The following EIF4A2 variants were observed in gnomAD, a reference collection of about 807,000 sequenced individuals.
The protein encoded by EIF4A2 is eukaryotic initiation factor 4A-II.
EIF4A2 carries 9 observed loss-of-function variants against 50.6 expected under a neutral mutation model. The ratio of observed to expected loss-of-function variants is 0.18; its 90% CI spans 0.11 to 0.31. The LOEUF (loss-of-function observed/expected upper bound fraction) is 0.31, where lower values mean the gene tolerates loss of function less well. Among genes scored for constraint, EIF4A2 ranks in the 10% least tolerant of loss-of-function variants. The pLI, the probability that EIF4A2 is intolerant of heterozygous loss-of-function variation, is 1.00. For missense variants in EIF4A2, 182 were observed against 501.8 expected (o/e 0.36, Z 6.09); for synonymous variants, 215 against 164.4 (o/e 1.31, Z -2.35).
In EIF4A2 at chr3:186,787,895, C is replaced by G; in HGVS notation, c.1079+13C>G. The G allele has an allele frequency of 1.2e-6, 2 of 1,612,766 alleles. No homozygotes were observed. Among genetic ancestry groups the G allele is most frequent in the Non-Finnish European group, 1.7e-6 (2 of 1,179,588 alleles). Reference sequence around the variant, plus strand: ...ACTATATTCACAGGTGAGAAGCCAGCATCTTGGCTGTATTGAAAAAAATTC... The same window carrying G: ...ACTATATTCACAGGTGAGAAGCCAGGATCTTGGCTGTATTGAAAAAAATTC... On this transcript the variant is annotated intron_variant, in intron 10 of 10. Transcript: ENST00000323963.
intron 3 of EIF4A2, 104 bp downstream of exon 3, chr3:186,784,800 G>A: frequency 1.9e-6 from 3 of 1,601,642 alleles, no homozygotes; most frequent in African/African-American, 1.3e-5. Flanking sequence ...TCCTTAAAGT[G>A]AAATGATGGC....
chr3:186,788,750 T>A (rs2108462980), intron 10 of EIF4A2: 1 of 233,310 alleles, frequency 4.3e-6, no homozygotes. Context: ...TGCGTCGAAA[T>A]GGATTACATA....
At chr3:186,785,587 A>T in intron 4 of EIF4A2, 1 of 359,602 alleles carries the variant, frequency 2.8e-6, no homozygotes, top group East Asian at 4.4e-5. Context: ...TACAGAACAT[A>T]AATTTCACTA....
intron 4 of EIF4A2, chr3:186,785,623 T>G (rs1721653326): frequency 4.5e-6 from 2 of 441,560 alleles, no homozygotes; most frequent in South Asian, 4.1e-5. Context: ...CAGTGAAGAA[T>G]AATGTAGGAA....
In EIF4A2 at chr3:186,786,014, C is replaced by T. The variant is rs771090486; in HGVS notation, c.480C>T (p.Pro160=). 52 of 1,610,902 alleles carry T rather than the reference C, an allele frequency of 3.2e-5. No homozygotes were observed. The Admixed American group carries it at 5.8e-4, about 18-fold the overall frequency. Residue 160 remains proline, a synonymous_variant, in exon 5 of 11, where the codon CCC becomes CCT. Coordinates refer to ENST00000323963, the MANE Select transcript of EIF4A2 (RefSeq NM_001967.4). ...CACCACATATTGTTGTTGGTACACCCGGGAGAGTGTTTGATATGTTAAACA... is the reference window on the plus strand; with the variant it reads ...CACCACATATTGTTGTTGGTACACCTGGGAGAGTGTTTGATATGTTAAACA... ...AEAPHIVVGT[P]GRVFDMLNRR...
rs765521699 is a variant in EIF4A2, at chr3:186,784,951, AC to A, written c.209-10del. On this transcript the variant is annotated splice_polypyrimidine_tract_variant and intron_variant, in intron 3 of 10. Transcript: ENST00000323963. Reference sequence around the variant, plus strand: ...TGTGGGATCGGTAAATGTGTATCCTACTTTTTTTAGGGTATGATGTGATTGC... The same window carrying A: ...TGTGGGATCGGTAAATGTGTATCCTATTTTTTTAGGGTATGATGTGATTGC... 1.2e-5 allele frequency: 19 copies of A among 1,614,018 alleles called. No individual in the cohort carries two copies. Among genetic ancestry groups the A allele is most frequent in the Non-Finnish European group, 1.7e-6 (2 of 1,180,016 alleles).
Position 186,786,056 on chromosome 3 carries a change from G to A in EIF4A2, c.517+5G>A. The stretch of plus-strand genomic sequence containing the variant: ...TGTTAAACAGAAGATACCTTTGTAA[G>A]TATTGTCTTTAAGAGAGTATTTTTT... On this transcript the variant is annotated splice_donor_5th_base_variant and intron_variant, in intron 5 of 10. Transcript: ENST00000323963. The A allele has an allele frequency of 6.2e-7, 1 of 1,602,008 alleles. No individual in the cohort carries two copies. The highest frequency in any genetic ancestry group is 8.5e-7 in the Non-Finnish European group (1 of 1,169,606).
intron 10 of EIF4A2, 184 bp downstream of exon 10, chr3:186,788,066 T>C: frequency 2.7e-6 from 2 of 753,890 alleles, no homozygotes; most frequent in Non-Finnish European, 2.1e-6. Flanking sequence ...CTTGTAAACA[T>C]TGCCCAGATT....
chr3:186,785,159 C>T (rs1721614688), intron 4 of EIF4A2, 58 bp downstream of exon 4: 3 of 1,600,108 alleles, frequency 1.9e-6, no homozygotes, highest in Non-Finnish European at 2.6e-6. Flanking sequence ...TCAGGTTTCA[C>T]AACTGTGAAG....
rs1174473754 is a variant in EIF4A2, at chr3:186,784,978, T to C, written c.225T>C (p.Ala75=). The change falls in exon 4 of 11, where the codon GCT becomes GCC. Residue 75 remains alanine (A), a synonymous_variant. Coordinates refer to ENST00000323963, the MANE Select transcript of EIF4A2 (RefSeq NM_001967.4). Reference sequence around the variant, plus strand: ...TTTTTTTAGGGTATGATGTGATTGCTCAAGCTCAGTCAGGTACTGGCAAGA... The same window carrying C: ...TTTTTTTAGGGTATGATGTGATTGCCCAAGCTCAGTCAGGTACTGGCAAGA... ...IPCIKGYDVI[A]QAQSGTGKTA... The C allele has an allele frequency of 2.5e-6, 4 of 1,614,090 alleles. No individual in the cohort carries two copies. The highest frequency in any genetic ancestry group is 3.3e-5 in the Admixed American group (2 of 59,998).
chr3:186,786,816 T>A (rs370712224), intron 7 of EIF4A2, 171 bp downstream of exon 7: 1 of 961,958 alleles, frequency 1.0e-6, no homozygotes, highest in Non-Finnish European at 1.7e-6. Context: ...TTTCTTAATG[T>A]CCAATGTCCT....
In EIF4A2 at chr3:186,785,054, G is replaced by A; in HGVS notation, c.301G>A (p.Glu101Lys). 1 of 1,614,140 alleles carries A rather than the reference G, an allele frequency of 6.2e-7. No individual in the cohort carries two copies. The highest frequency in any genetic ancestry group is 8.5e-7 in the Non-Finnish European group (1 of 1,180,040). Residue 101 changes from glutamate (E) to lysine (K), a missense_variant, in exon 4 of 11, where the codon GAG becomes AAG. Around this residue, in one of 7 missense-constraint regions of EIF4A2, gnomAD observed 113 missense variants for 357.3 expected, o/e 0.32. Coordinates refer to ENST00000323963, the MANE Select transcript of EIF4A2 (RefSeq NM_001967.4). ...GCAACAGTTGGAGATTGAGTTCAAG[G>A]AGACCCAAGCACTAGTATTGGCCCC... is the stretch of plus-strand genomic sequence containing the variant. The part of the protein sequence containing the change: ...ILQQLEIEFK[E>K]TQALVLAPTR...
chr3:186,783,931 T>G, intron 1 of EIF4A2: 1 of 461,748 alleles, frequency 2.2e-6, no homozygotes. Context: ...TAAAAAGCCG[T>G]GGCGCAGTCC....
In EIF4A2 at chr3:186,789,727, T is replaced by C. The variant is rs1722003540; in HGVS notation, c.*458T>C. On this transcript the variant is annotated 3_prime_UTR_variant, in exon 11 of 11. Coordinates refer to ENST00000323963, the MANE Select transcript of EIF4A2 (RefSeq NM_001967.4). ...AGAAAGCATTTGAATGCATTTTGTTTGGTATTGTATTTATTCAATAAAGTA... is the reference window on the plus strand; with the variant it reads ...AGAAAGCATTTGAATGCATTTTGTTCGGTATTGTATTTATTCAATAAAGTA... 2.4e-6 allele frequency: 1 copy of C among 409,942 alleles called. No individual in the cohort carries two copies. Among genetic ancestry groups the C allele is most frequent in the Non-Finnish European group, 4.3e-6 (1 of 229,910 alleles). 25.4% of individuals were successfully genotyped at this position (409,942 alleles called of 1,614,324 possible).
Position 186,787,201 on chromosome 3 carries a change from G to C in EIF4A2, c.846G>C (p.Thr282=). 1.2e-6 allele frequency: 2 copies of C among 1,614,104 alleles called. No homozygotes were observed. Among genetic ancestry groups the C allele is most frequent in the Non-Finnish European group, 1.7e-6 (2 of 1,179,982 alleles). ...TITQAVIFLN[T]RRKVDWLTEK... is the part of the protein sequence containing the mutation. Reference sequence around the variant, plus strand: ...CACAGGCTGTTATTTTTCTCAATACGAGGCGCAAGGTGGACTGGCTGACTG... The same window carrying C: ...CACAGGCTGTTATTTTTCTCAATACCAGGCGCAAGGTGGACTGGCTGACTG... Residue 282 remains threonine (T), a synonymous_variant, in exon 8 of 11, where the codon ACG becomes ACC. Transcript: ENST00000323963.
At chr3:186,789,056 G>A in intron 10 of EIF4A2, 69 bp from the exon 11 acceptor site, 1 of 1,522,518 alleles carries the variant, frequency 6.6e-7, no homozygotes, top group Non-Finnish European at 8.8e-7. Flanking sequence ...TGGTTAACAA[G>A]TGGATCGTCA....
At chr3:186,783,739 A>C in intron 1 of EIF4A2, 100 bp downstream of exon 1, 1 of 1,581,588 alleles carries the variant, frequency 6.3e-7, no homozygotes, top group South Asian at 1.1e-5. Flanking sequence ...AAATTAATGG[A>C]CGTTTTCTTA....
Position 186,787,478 on chromosome 3 carries a change from G to A in EIF4A2, c.910-17G>A. The A allele has an allele frequency of 6.2e-7, 1 of 1,611,756 alleles. No individual in the cohort carries two copies. Among genetic ancestry groups the A allele is most frequent in the Non-Finnish European group, 8.5e-7 (1 of 1,178,558 alleles). On this transcript the variant is annotated splice_polypyrimidine_tract_variant and intron_variant, in intron 8 of 10. Coordinates refer to ENST00000323963, the MANE Select transcript of EIF4A2 (RefSeq NM_001967.4). ...ACCTGACTGGTGATTCTTGAATTAA[G>A]GTTTATTAATTTGCAGCATGGTGAC... is the stretch of plus-strand genomic sequence containing the variant.
intron 1 of EIF4A2, chr3:186,784,115 GC>G: frequency 2.0e-6 from 1 of 493,632 alleles, no homozygotes; most frequent in Non-Finnish European, 3.7e-6. Flanking sequence ...CATCGCCCTC[GC>G]CAGGCCGCTC....
Sources: gnomAD v4.1 joint callset for allele counts on GRCh38, gnomAD v4.1.1 for gene constraint, gnomAD v4.1.1 regional missense constraint, MANE v1.5 for transcripts, NCBI Gene and HGNC (gene_info 2026-07-23, HGNC 2026-07-21) for gene names.